DAB1: variants seen among roughly 807,000 people sequenced by gnomAD.
DAB1 encodes DAB adaptor protein 1.
DAB1 carries 15 observed loss-of-function variants against 64.6 expected under a neutral mutation model. That is an observed-to-expected ratio of 0.23 (90% CI 0.16 to 0.36). DAB1 has a LOEUF of 0.36. DAB1 is among the 10% of genes least tolerant of loss of function. The pLI is 1.00. For missense variants in DAB1, 596 were observed against 706.7 expected (o/e 0.84, Z 1.78); for synonymous variants, 235 against 251.9 (o/e 0.93, Z 0.64).
chr1:57,262,710 T>C (rs1670276108), intron 2 of DAB1, among the ~76,000 whole-genome samples: 1 of 152,176 alleles, frequency 6.6e-6, no homozygotes, highest in African/African-American at 2.4e-5. Flanking sequence ...ATGGAACCCA[T>C]AAAGTGAAAT....
chr1:57,618,677 C>T (rs558749824), intron 7 of DAB1, among the ~76,000 whole-genome samples: 12 of 152,166 alleles, frequency 7.9e-5, no homozygotes, highest in East Asian at 1.9e-4. Flanking sequence ...GCAGCCTTTC[C>T]GGAGCCTTTT....
At chr1:57,713,999 G>C (rs1647055373) in intron 6 of DAB1, among the ~76,000 whole-genome samples, 1 of 152,100 alleles carries the variant, frequency 6.6e-6, no homozygotes, top group Non-Finnish European at 1.5e-5. Flanking sequence ...GTCAGGCACA[G>C]TACCAGGCAC....
At chr1:57,115,883 C>A (rs979858815) in intron 4 of DAB1, among the ~76,000 whole-genome samples, 1 of 152,156 alleles carries the variant, frequency 6.6e-6, no homozygotes, top group Non-Finnish European at 1.5e-5. Context: ...TGAAACATCT[C>A]TTCAAAGGGC....
At chr1:57,642,480 A>G (rs1426165192) in intron 7 of DAB1, among the ~76,000 whole-genome samples, 13 of 151,590 alleles carry the variant, frequency 8.6e-5, no homozygotes, top group Non-Finnish European at 1.5e-5. Context: ...TCTCCCCTCT[A>G]CTCTACCTCT....
intron 4 of DAB1, among the ~76,000 whole-genome samples, chr1:57,077,650 T>C (rs1218250786): frequency 6.6e-6 from 1 of 152,192 alleles, no homozygotes; most frequent in Admixed American, 6.6e-5. Flanking sequence ...TTAAATGAAG[T>C]ATCAAATTGT....
At chr1:58,518,473 G>C (rs911788581) in intron 2 of DAB1, among the ~76,000 whole-genome samples, 4 of 151,796 alleles carry the variant, frequency 2.6e-5, no homozygotes, top group Non-Finnish European at 4.4e-5. Flanking sequence ...AGGGGAGTAG[G>C]ACTGGAGTCA....
intron 1 of DAB1, among the ~76,000 whole-genome samples, chr1:57,413,699 G>A (rs922422190): frequency 8.5e-5 from 12 of 140,390 alleles, no homozygotes; most frequent in African/African-American, 1.1e-4. Context: ...AGCTGAGATC[G>A]CGCCACTGCA....
intron 9 of DAB1, among the ~76,000 whole-genome samples, chr1:57,029,662 T>C (rs1646906024): frequency 6.6e-6 from 1 of 152,204 alleles, no homozygotes; most frequent in Non-Finnish European, 1.5e-5. Context: ...GTGACCTGGA[T>C]GTGAGACCTG....
At chr1:58,056,857 G>A (rs1040992565) in intron 5 of DAB1, among the ~76,000 whole-genome samples, 1 of 151,960 alleles carries the variant, frequency 6.6e-6, no homozygotes, top group African/African-American at 2.4e-5. Flanking sequence ...TGCTCAAGGT[G>A]GCTTCTTCAC....
At chr1:57,453,714 T>C (rs944196469) in intron 7 of DAB1, among the ~76,000 whole-genome samples, 3 of 152,212 alleles carry the variant, frequency 2.0e-5, no homozygotes, top group Non-Finnish European at 4.4e-5. Context: ...TAGAGAAGTC[T>C]AATCACATTG....
intron 1 of DAB1, among the ~76,000 whole-genome samples, chr1:57,408,049 C>T (rs1187327852): frequency 1.3e-5 from 2 of 152,264 alleles, no homozygotes; most frequent in East Asian, 1.9e-4. Context: ...CCCACGTCTC[C>T]TCTCTAAGCA....
intron 5 of DAB1, among the ~76,000 whole-genome samples, chr1:58,086,112 C>T (rs1035241679): frequency 5.7e-4 from 86 of 151,076 alleles, no homozygotes; most frequent in African/African-American, 2.0e-3. Context: ...TACAGGCGCC[C>T]GCCACTACGC....
chr1:57,803,256 A>G (rs984008848), intron 6 of DAB1, among the ~76,000 whole-genome samples: 2 of 152,228 alleles, frequency 1.3e-5, no homozygotes, highest in African/African-American at 4.8e-5. Flanking sequence ...CTCCAGGGCA[A>G]AGGAAAGTTG....
At chr1:58,332,842 A>T (rs1158117458) in intron 4 of DAB1, among the ~76,000 whole-genome samples, 5 of 152,216 alleles carry the variant, frequency 3.3e-5, no homozygotes, top group Non-Finnish European at 5.9e-5. Flanking sequence ...TCATACTTTC[A>T]TTCTCAAGGG....
chr1:57,590,803 C>A (rs1645438009), intron 7 of DAB1, among the ~76,000 whole-genome samples: 1 of 147,956 alleles, frequency 6.8e-6, no homozygotes, highest in Admixed American at 6.8e-5. Flanking sequence ...ATATTCTTAC[C>A]CTATGACCAA....
intron 5 of DAB1, among the ~76,000 whole-genome samples, chr1:58,076,345 TC>T (rs1649640882): frequency 1.3e-5 from 2 of 152,108 alleles, no homozygotes; most frequent in South Asian, 4.1e-4. Flanking sequence ...ACCCAGGAAG[TC>T]TCACACAAGA....
intron 5 of DAB1, among the ~76,000 whole-genome samples, chr1:57,900,446 C>T (rs558726542): frequency 6.6e-6 from 1 of 152,312 alleles, no homozygotes; most frequent in Admixed American, 6.5e-5. Flanking sequence ...GAGGAATACC[C>T]TGTTCTAGGA....
At chr1:58,200,902 G>C (rs188402248) in intron 4 of DAB1, among the ~76,000 whole-genome samples, 1 of 152,206 alleles carries the variant, frequency 6.6e-6, no homozygotes, top group African/African-American at 2.4e-5. Flanking sequence ...AACAGAGGCT[G>C]TAATTTAGAA....
In DAB1 at chr1:58,026,345, T is replaced by G. The variant is rs181693068; in HGVS notation, n.387+124166A>C. ...CAAGAGGTTTCAATCTAGGCTCCAT[T>G]TCCATCTCTCCTACTTATTAATGAT... On this transcript the variant is annotated intron_variant and non_coding_transcript_variant, in intron 5 of 20. Coordinates refer to the DAB1 transcript ENST00000485760. Among the ~76,000 whole-genome samples, 173 of 152,262 alleles carry G rather than the reference T, an allele frequency of 1.1e-3. 3 individuals are homozygous for G. Among genetic ancestry groups the G allele is most frequent in the African/African-American group, 4.1e-3 (169 of 41,556 alleles).
Sources: allele counts gnomAD v4.1 joint callset (sites outside exome capture counted in the v4.1 genomes callset), GRCh38; gene constraint gnomAD v4.1.1; transcripts MANE v1.5; gene names NCBI Gene and HGNC (gene_info 2026-07-23, HGNC 2026-07-21).